CCDC17: variants seen among roughly 807,000 people sequenced by gnomAD.
CCDC17 encodes the protein coiled-coil domain containing 17.
Under a neutral mutation model 68.0 loss-of-function variants are expected in CCDC17, and 79 were observed. That is an observed-to-expected ratio of 1.16 (90% CI 0.97 to 1.40). CCDC17 has a LOEUF of 1.40. Ranked by LOEUF, CCDC17 falls within the 40% of genes most tolerant of loss-of-function variation. The pLI is 0.00. For missense variants in CCDC17, 846 were observed against 811.5 expected (o/e 1.04, Z -0.52); for synonymous variants, 376 against 337.5 (o/e 1.11, Z -1.25).
In CCDC17 at chr1:45,620,208, C is replaced by G; in HGVS notation, c.*67G>C. ...AATGTCAGAACATGGAGTAGTAAAC[C>G]TGTAGGTCTGGAAATAGGCCCCAGT... On this transcript the variant is annotated 3_prime_UTR_variant, in exon 13 of 13. Coordinates refer to ENST00000528266, the MANE Select transcript of CCDC17 (RefSeq NM_001114938.3). 1 of 1,515,938 alleles carries G rather than the reference C, an allele frequency of 6.6e-7. No homozygotes were observed. 93.9% of individuals were successfully genotyped at this position (1,515,938 alleles called of 1,614,324 possible).
In CCDC17 at chr1:45,623,413, C is replaced by G. The variant is rs1177042306; in HGVS notation, c.297G>C (p.Gln99His). ...EEVQWLRLSL[Q>H]EMRPWITEVP... is the part of the protein sequence containing the mutation. The stretch of plus-strand genomic sequence containing the variant: ...CCTCTGTTATCCAGGGCCGCATTTC[C>G]TGTAGGGATAGCCGCAGCCACTGCA... Residue 99 changes from glutamine (Q) to histidine (H), a missense_variant, in exon 3 of 13, where the codon CAG becomes CAC. Transcript: ENST00000528266. 1 of 1,550,644 alleles carries G rather than the reference C, an allele frequency of 6.4e-7. No individual in the cohort carries two copies.
intron 12 of CCDC17, 41 bp downstream of exon 12, chr1:45,620,682 A>G (rs1006879129): frequency 1.3e-6 from 2 of 1,562,148 alleles, no homozygotes; most frequent in Non-Finnish European, 8.7e-7. Flanking sequence ...CCACACCGGT[A>G]TGTGTAGCTG....
In CCDC17 at chr1:45,623,809, C is replaced by A; in HGVS notation, c.101G>T (p.Cys34Phe). The A allele has an allele frequency of 6.4e-7, 1 of 1,551,608 alleles. No homozygotes were observed. Among genetic ancestry groups the A allele is most frequent in the Non-Finnish European group, 8.7e-7 (1 of 1,146,946 alleles). The change falls in exon 1 of 13, where the codon TGC becomes TTC. Residue 34 changes from cysteine to phenylalanine, a missense_variant. Coordinates refer to ENST00000528266, the MANE Select transcript of CCDC17 (RefSeq NM_001114938.3). Reference protein sequence around the residue: ...ALLATHTQRFCIGHPTQEMTF... With the variant: ...ALLATHTQRFFIGHPTQEMTF... ...CATCTCTTGGGTCGGGTGGCCAATG[C>A]AGAAGCGCTGAGTATGGGTGGCTAA...
At chr1:45,621,610 A>C in intron 9 of CCDC17, 28 bp downstream of exon 9, 2 of 1,609,522 alleles carry the variant, frequency 1.2e-6, no homozygotes, top group African/African-American at 1.3e-5. Context: ...CAAGTCACAG[A>C]GGCTGTCGAA....
intron 12 of CCDC17, 143 bp downstream of exon 12, chr1:45,620,580 A>G (rs1466271370): frequency 6.7e-7 from 1 of 1,488,794 alleles, no homozygotes; most frequent in Non-Finnish European, 9.0e-7. Context: ...GTTACATAGT[A>G]GGACTTCATA....
chr1:45,621,324 T>C lies in CCDC17; in HGVS notation c.1345A>G (p.Met449Val). Residue 449 changes from methionine to valine, a missense_variant, in exon 10 of 13, where the codon ATG becomes GTG. Transcript: ENST00000528266. The stretch of plus-strand genomic sequence containing the variant: ...CTGGCAAGGATGGCACAGTTGCCCA[T>C]GGGCCCGGGAGCAGGAGGTGGGGGC... ...CLPPPPAPGP[M>V]GNCAILASRQ... The C allele has an allele frequency of 6.3e-7, 1 of 1,588,372 alleles. No individual in the cohort carries two copies. Among genetic ancestry groups the C allele is most frequent in the Non-Finnish European group, 8.6e-7 (1 of 1,167,324 alleles).
chr1:45,620,532 A>C, intron 12 of CCDC17, 99 bp from the exon 13 acceptor site: 1 of 1,468,212 alleles, frequency 6.8e-7, no homozygotes, highest in Non-Finnish European at 9.0e-7. Context: ...ACTTACTGTG[A>C]ACCAAGTTAA....
At position 45,622,586 on chromosome 1, in the gene CCDC17, C is replaced by A. The variant is rs1277386473; in HGVS notation, c.822G>T (p.Ala274=). 7 of 1,553,626 alleles carry A rather than the reference C, an allele frequency of 4.5e-6. No individual in the cohort carries two copies. Among genetic ancestry groups the A allele is most frequent in the African/African-American group, 1.4e-5 (1 of 73,132 alleles). ...GCGACCGCTGCAGCTCCAGTGCAGA[C>A]GCCTCCACCTGCAACTGCCATATCT... ...LGQIWQLQVE[A]SALELQRSQT... is the part of the protein sequence containing the mutation. The change falls in exon 6 of 13, where the codon GCG becomes GCT. Residue 274 remains alanine, a synonymous_variant. Transcript: ENST00000528266.
At position 45,620,091 on chromosome 1, in the gene CCDC17, G is replaced by C. The variant is rs75056867; in HGVS notation, c.*184C>G. ...CTTAATCTGTTTTACAAAAACAGAAGAGGTACAGAAAAGTTAAGGACTTAA... is the reference window on the plus strand; with the variant it reads ...CTTAATCTGTTTTACAAAAACAGAACAGGTACAGAAAAGTTAAGGACTTAA... On this transcript the variant is annotated 3_prime_UTR_variant, in exon 13 of 13. Transcript: ENST00000528266. 280 of 549,792 alleles carry C rather than the reference G, an allele frequency of 5.1e-4. 4 individuals are homozygous for C. The African/African-American group carries it at 5.2e-3, about 10-fold the overall frequency. 34.1% of individuals were successfully genotyped at this position (549,792 alleles called of 1,614,324 possible). A position where few individuals can be genotyped will look rare whatever the true frequency, so the allele number is the denominator to read the frequency against.
chr1:45,624,050 G>A lies in CCDC17; in HGVS notation c.-141C>T. 1 of 636,724 alleles carries A rather than the reference G, an allele frequency of 1.6e-6. No individual in the cohort carries two copies. Among genetic ancestry groups the A allele is most frequent in the Non-Finnish European group, 2.6e-6 (1 of 377,792 alleles). The allele number at this position is 636,724 out of a possible 1,614,324, so 39.4% of individuals were successfully genotyped here. Reference sequence around the variant, plus strand: ...TCTATTAGGTCTGTGAGATCTTCAAGTTTGTTTGGGGAGAGCCTTAGCTCC... The same window carrying A: ...TCTATTAGGTCTGTGAGATCTTCAAATTTGTTTGGGGAGAGCCTTAGCTCC... On this transcript the variant is annotated 5_prime_UTR_variant, in exon 1 of 13. Transcript: ENST00000528266.
chr1:45,621,599 C>G (rs768272296), intron 9 of CCDC17, 39 bp downstream of exon 9: 2 of 1,607,324 alleles, frequency 1.2e-6, no homozygotes, highest in Admixed American at 1.7e-5. Flanking sequence ...GCAGTGCTGG[C>G]CAAGTCACAG....
rs1644374553 is a variant in CCDC17, at chr1:45,624,009, G to T, written c.-100C>A. ...TGAAAGAGACATAAAGCCAGAGGCA[G>T]AGAGGAAAGGCCGTGTCTATTAGGT... is the stretch of plus-strand genomic sequence containing the variant. On this transcript the variant is annotated 5_prime_UTR_variant, in exon 1 of 13. The change creates a new upstream start codon in the 5' untranslated region. Transcript: ENST00000528266. The T allele has an allele frequency of 1.2e-6, 1 of 838,308 alleles. No homozygotes were observed. The highest frequency in any genetic ancestry group is 1.8e-6 in the Non-Finnish European group (1 of 543,322). 51.9% of individuals were successfully genotyped at this position (838,308 alleles called of 1,614,324 possible).
rs1302691799 is a variant in CCDC17 at position 45,621,989 on chromosome 1, T to TGGGGC, written c.969_973dup (p.Gln325ArgfsTer47). ...GGCATCCCCCAGGAGTCGCAGATCC[T>TGGGGC]GGGGCCCTAGGAGCAGAAGAGTTAG... On this transcript the variant is annotated frameshift_variant, in exon 8 of 13. Transcript: ENST00000528266. LOFTEE classifies it high-confidence loss of function. 1 of 1,605,662 alleles carries TGGGGC rather than the reference T, an allele frequency of 6.2e-7. No individual in the cohort carries two copies. Among genetic ancestry groups the TGGGGC allele is most frequent in the Admixed American group, 1.7e-5 (1 of 58,616 alleles).
intron 6 of CCDC17, 75 bp downstream of exon 6, chr1:45,622,474 C>A: frequency 6.7e-7 from 1 of 1,487,748 alleles, no homozygotes; most frequent in South Asian, 1.3e-5. Flanking sequence ...ATGCCATCCA[C>A]AGCCACAGGC....
At position 45,621,018 on chromosome 1, in the gene CCDC17, G is replaced by T; in HGVS notation, c.1484C>A (p.Ser495Ter). ...CTGATCTTGGTCAAATAGTCCAAGT[G>T]AGACCCAAGCCTTTGGCTGTGGTGC... Reference protein sequence around the residue: ...ARAPQPKAWVSLGLFDQDQRV... With the variant: ...ARAPQPKAWV The change falls in exon 11 of 13, where the codon TCA becomes TAA. Residue 495 changes from serine to a stop codon, truncating the protein, a stop_gained. Transcript: ENST00000528266. LOFTEE classifies it high-confidence loss of function. The T allele has an allele frequency of 6.2e-7, 1 of 1,613,940 alleles. No homozygotes were observed. The highest frequency in any genetic ancestry group is 8.5e-7 in the Non-Finnish European group (1 of 1,179,868).
At position 45,623,905 on chromosome 1, in the gene CCDC17, TC is replaced by T. The variant is rs910548630; in HGVS notation, c.4del (p.Asp2ThrfsTer25). The T allele has an allele frequency of 2.0e-5, 30 of 1,514,666 alleles. No homozygotes were observed. Among genetic ancestry groups the T allele is most frequent in the African/African-American group, 4.2e-5 (3 of 71,460 alleles). The allele number at this position is 1,514,666 out of a possible 1,614,324, so 93.8% of individuals were successfully genotyped here. M[D>X]SHSGEPALLP... ...GAGCGCAGGCTCCCCAGAGTGGGAGTCCATGGGATGGGACCCGTTTCCTGAA... is the reference window on the plus strand; with the variant it reads ...GAGCGCAGGCTCCCCAGAGTGGGAGTCATGGGATGGGACCCGTTTCCTGAA... On this transcript the variant is annotated frameshift_variant, in exon 1 of 13. Transcript: ENST00000528266. LOFTEE classifies it high-confidence loss of function.
rs574147278 is a variant in CCDC17 at position 45,623,332 on chromosome 1, G to C, written c.378C>G (p.Pro126=). 5 of 1,550,564 alleles carry C rather than the reference G, an allele frequency of 3.2e-6. No homozygotes were observed. In the South Asian group the frequency reaches 5.9e-5, roughly 18 times the overall value. The change falls in exon 3 of 13, where the codon CCC becomes CCG. Residue 126 remains proline, a synonymous_variant. Coordinates refer to ENST00000528266, the MANE Select transcript of CCDC17 (RefSeq NM_001114938.3). ...WTRSEARPQS[P]MSEAVGSPSE... ...TGGGGCTTCCCACCGCCTCGGACAT[G>C]GGACTCTGAGGCCGCGCCTCGGAAC...
chr1:45,622,233 T>G lies in CCDC17; in HGVS notation c.967+8A>C. On this transcript the variant is annotated splice_region_variant and intron_variant, in intron 7 of 12. Transcript: ENST00000528266. Reference sequence around the variant, plus strand: ...GTGGGATGGGATAGGGTTGGGGTGCTCACTGACCCAAGGGTGCCCGACCCC... The same window carrying G: ...GTGGGATGGGATAGGGTTGGGGTGCGCACTGACCCAAGGGTGCCCGACCCC... The G allele has an allele frequency of 6.2e-7, 1 of 1,610,258 alleles. No individual in the cohort carries two copies. The highest frequency in any genetic ancestry group is 8.5e-7 in the Non-Finnish European group (1 of 1,177,900).
At position 45,623,926 on chromosome 1, in the gene CCDC17, C is replaced by T; in HGVS notation, c.-17G>A. The stretch of plus-strand genomic sequence containing the variant: ...GGAGTCCATGGGATGGGACCCGTTT[C>T]CTGAAACCAGCCAAGACCTGCAGAA... On this transcript the variant is annotated 5_prime_UTR_variant, in exon 1 of 13. Transcript: ENST00000528266. The T allele has an allele frequency of 6.8e-7, 1 of 1,481,102 alleles. No individual in the cohort carries two copies. The highest frequency in any genetic ancestry group is 9.0e-7 in the Non-Finnish European group (1 of 1,113,548). The allele number at this position is 1,481,102 out of a possible 1,614,324, so 91.7% of individuals were successfully genotyped here. A position where few individuals can be genotyped will look rare whatever the true frequency, so the allele number is the denominator to read the frequency against.
Sources: gnomAD v4.1 joint callset for allele counts on GRCh38, gnomAD v4.1.1 for gene constraint, MANE v1.5 for transcripts, NCBI Gene and HGNC (gene_info 2026-07-23, HGNC 2026-07-21) for gene names.